CACNB2: variants seen among roughly 807,000 people sequenced by gnomAD.
CACNB2 encodes the protein voltage-dependent L-type calcium channel subunit beta-2.
Under a neutral mutation model 73.3 loss-of-function variants are expected in CACNB2, and 42 were observed. That is an observed-to-expected ratio of 0.57 (90% CI 0.45 to 0.74). The LOEUF is 0.74. Among genes scored for constraint, CACNB2 ranks in the 30% least tolerant of loss-of-function variants. The probability of loss-of-function intolerance (pLI) is 0.00; values close to 1 mark genes in which losing one functional copy is unlikely to be tolerated. For synonymous variants in CACNB2, 348 were observed against 310.3 expected, an observed-to-expected ratio of 1.12 and a Z score of -1.28; for missense variants, 940 against 853.0, an observed-to-expected ratio of 1.10 and a Z score of -1.27.
chr10:18,277,234 G>A (rs1564397899), intron 2 of CACNB2, among the ~76,000 whole-genome samples: 1 of 152,116 alleles, frequency 6.6e-6, no homozygotes. Flanking sequence ...AGTCAGCCAG[G>A]TGGCACCGGG....
At chr10:18,313,718 G>A (rs2040050207) in intron 2 of CACNB2, among the ~76,000 whole-genome samples, 1 of 152,160 alleles carries the variant, frequency 6.6e-6, no homozygotes, top group African/African-American at 2.4e-5. Flanking sequence ...TAAAGCCATC[G>A]GCTATCACTC....
chr10:18,395,158 A>G (rs944726162), intron 2 of CACNB2, among the ~76,000 whole-genome samples: 1 of 152,202 alleles, frequency 6.6e-6, no homozygotes, highest in Non-Finnish European at 1.5e-5. Flanking sequence ...AAATCTTACT[A>G]AAAATTAATG....
intron 2 of CACNB2, among the ~76,000 whole-genome samples, chr10:18,294,803 CTCTTGTATGTATTTGCATA>C (rs1482075425): frequency 1.3e-5 from 2 of 152,202 alleles, no homozygotes; most frequent in African/African-American, 4.8e-5. Flanking sequence ...TTTCCTGTGT[CTCTTGTATGTATTTGCATA>C]TCTTTAGTAG....
At chr10:18,143,556 T>A (rs10764320) in intron 1 of CACNB2, among the ~76,000 whole-genome samples, 43,028 of 152,118 alleles carry the variant, frequency 0.28, 6,171 homozygotes, top group Admixed American at 0.34. Flanking sequence ...GAAAGCAATT[T>A]GACTTGAATT....
chr10:18,172,191 C>A (rs982853060), intron 2 of CACNB2, among the ~76,000 whole-genome samples: 2 of 152,054 alleles, frequency 1.3e-5, no homozygotes, highest in African/African-American at 2.4e-5. Context: ...GGCAAAACCC[C>A]GTCTCTACTG....
At chr10:18,140,941 A>T (rs2030320274) in intron 1 of CACNB2, 85 bp downstream of exon 1, 2 of 1,533,068 alleles carry the variant, frequency 1.3e-6, no homozygotes, top group Admixed American at 4.0e-5. Flanking sequence ...CCTCCACTGC[A>T]GGGATCTCTA....
intron 2 of CACNB2, among the ~76,000 whole-genome samples, chr10:18,224,899 C>T (rs940518144): frequency 2.0e-5 from 3 of 152,228 alleles, no homozygotes; most frequent in African/African-American, 7.2e-5. Flanking sequence ...TACATCCTGA[C>T]AGGCACATTC....
intron 1 of CACNB2, among the ~76,000 whole-genome samples, chr10:18,146,150 T>C (rs1222472101): frequency 6.6e-6 from 1 of 152,188 alleles, no homozygotes; most frequent in Non-Finnish European, 1.5e-5. Context: ...TACCCTTAGC[T>C]TATTCACACT....
At chr10:18,480,484 T>G (rs1013620684) in intron 3 of CACNB2, among the ~76,000 whole-genome samples, 1 of 152,226 alleles carries the variant, frequency 6.6e-6, no homozygotes, top group African/African-American at 2.4e-5. Flanking sequence ...CGTGTTTCTC[T>G]CTTGCTAGAA....
At chr10:18,184,038 G>A (rs1351282011) in intron 2 of CACNB2, among the ~76,000 whole-genome samples, 1 of 152,196 alleles carries the variant, frequency 6.6e-6, no homozygotes, top group Non-Finnish European at 1.5e-5. Flanking sequence ...TGCTAAAACA[G>A]TGCCCAGCCA....
chr10:18,369,558 A>G (rs1333905504), intron 2 of CACNB2, among the ~76,000 whole-genome samples: 1 of 152,178 alleles, frequency 6.6e-6, no homozygotes, highest in Non-Finnish European at 1.5e-5. Flanking sequence ...ATTTAAGAAG[A>G]TATATTTCCT....
At chr10:18,530,119 C>T (rs1022963946) in intron 10 of CACNB2, among the ~76,000 whole-genome samples, 2 of 152,146 alleles carry the variant, frequency 1.3e-5, no homozygotes, top group Admixed American at 6.5e-5. Context: ...AATTACCCCC[C>T]ACCAGGTCCC....
chr10:18,471,472 C>G (rs2048184255), intron 3 of CACNB2, among the ~76,000 whole-genome samples: 1 of 152,168 alleles, frequency 6.6e-6, no homozygotes, highest in Non-Finnish European at 1.5e-5. Context: ...AAAAATTCGT[C>G]TTTGTCAGTA....
At chr10:18,355,860 ACTC>A (rs2041887863) in intron 2 of CACNB2, among the ~76,000 whole-genome samples, 1 of 149,526 alleles carries the variant, frequency 6.7e-6, no homozygotes, top group Non-Finnish European at 1.5e-5. Context: ...CTGGTCTTGA[ACTC>A]CTGGCCTCAT....
At chr10:18,228,128 A>G (rs555060706) in intron 2 of CACNB2, among the ~76,000 whole-genome samples, 33 of 152,260 alleles carry the variant, frequency 2.2e-4, no homozygotes, top group African/African-American at 7.9e-4. Flanking sequence ...ATTTGGGGGG[A>G]AAAAGAAAAA....
chr10:18,466,001 T>C (rs967168416), intron 3 of CACNB2, among the ~76,000 whole-genome samples: 1 of 152,120 alleles, frequency 6.6e-6, no homozygotes, highest in African/African-American at 2.4e-5. Context: ...TATAAAGGTT[T>C]TGTTACTGAA....
At position 18,214,320 on chromosome 10, in the gene CACNB2, C is replaced by T. The variant is rs1468292536; in HGVS notation, c.213+63345C>T. 6.6e-5 allele frequency among the ~76,000 whole-genome samples: 5 copies of T among 75,658 alleles called. 2 individuals are homozygous for T. Among genetic ancestry groups the T allele is most frequent in the African/African-American group, 1.5e-4 (5 of 32,430 alleles). 49.6% of individuals were successfully genotyped at this position (75,658 alleles called of 152,430 possible). The stretch of plus-strand genomic sequence containing the variant: ...TCCATTTGTACCTTACACAGGGATG[C>T]TTTTAAAAATATTTAACAACTGTGA... On this transcript the variant is annotated intron_variant, in intron 2 of 13. Coordinates refer to ENST00000324631, the MANE Select transcript of CACNB2 (RefSeq NM_201596.3).
At chr10:18,266,829 G>A (rs1331983673) in intron 2 of CACNB2, among the ~76,000 whole-genome samples, 1 of 152,204 alleles carries the variant, frequency 6.6e-6, no homozygotes, top group Admixed American at 6.5e-5. Context: ...GGTGGAGGCT[G>A]CAGTGAGCCG....
chr10:18,502,853 G>C (rs1322268277), intron 5 of CACNB2, among the ~76,000 whole-genome samples: 1 of 151,860 alleles, frequency 6.6e-6, no homozygotes, highest in Non-Finnish European at 1.5e-5. Flanking sequence ...ACCACCTCCT[G>C]GGGCATTATG....
Sources: gnomAD v4.1 joint callset for allele counts (sites outside exome capture counted in the v4.1 genomes callset) on GRCh38, gnomAD v4.1.1 for gene constraint, MANE v1.5 for transcripts, NCBI Gene and HGNC (gene_info 2026-07-23, HGNC 2026-07-21) for gene names.